Variants in MBD5 observed in about 807,000 individuals in gnomAD.
MBD5 encodes the protein methyl-CpG-binding domain protein 5.
In MBD5, 13 loss-of-function variants were observed where a neutral mutation model predicts 117.3. The ratio of observed to expected loss-of-function variants is 0.11; its 90% CI spans 0.07 to 0.18. The LOEUF (loss-of-function observed/expected upper bound fraction) is 0.18, where lower values mean the gene tolerates loss of function less well. MBD5 is among the 10% of genes least tolerant of loss of function. The pLI is 1.00. For synonymous variants in MBD5, 727 were observed against 766.4 expected, an observed-to-expected ratio of 0.95 and a Z score of 0.85; for missense variants, 1,879 against 2,093.8, an observed-to-expected ratio of 0.90 and a Z score of 2.00.
intron 3 of MBD5, among the ~76,000 whole-genome samples, chr2:148,234,457 G>A (rs1700051090): frequency 1.3e-5 from 2 of 152,238 alleles, no homozygotes; most frequent in South Asian, 4.1e-4. Context: ...TTGCTTTTCT[G>A]TTGGGGAAAA....
intron 1 of MBD5, among the ~76,000 whole-genome samples, chr2:148,084,977 C>T (rs933989303): frequency 1.5e-4 from 23 of 152,162 alleles, no homozygotes; most frequent in Admixed American, 5.9e-4. Context: ...ACTCCAACTA[C>T]TGAGATAGAA....
chr2:148,435,840 A>G (rs1048755746), intron 4 of MBD5, among the ~76,000 whole-genome samples: 4 of 152,222 alleles, frequency 2.6e-5, no homozygotes, highest in Non-Finnish European at 4.4e-5. Flanking sequence ...TATGTTTTCA[A>G]GGTTGCTTGC....
intron 3 of MBD5, among the ~76,000 whole-genome samples, chr2:148,281,435 A>G (rs1221578066): frequency 6.6e-6 from 1 of 151,572 alleles, no homozygotes; most frequent in African/African-American, 2.4e-5. Context: ...GCATACACCA[A>G]TTCTTATATT....
chr2:148,232,113 G>C (rs1700002014), intron 2 of MBD5, among the ~76,000 whole-genome samples: 1 of 152,152 alleles, frequency 6.6e-6, no homozygotes, highest in Non-Finnish European at 1.5e-5. Flanking sequence ...AGAAGACAAA[G>C]GTCAAAGACT....
In MBD5 at chr2:148,513,034, T is replaced by C; in HGVS notation, c.*93T>C. ...ATTGATATAGCCACAGTTATATCAA[T>C]ATTTAGACTATGGCAGATAGCTACC... is the stretch of plus-strand genomic sequence containing the variant. On this transcript the variant is annotated 3_prime_UTR_variant, in exon 14 of 14. Coordinates refer to ENST00000642680, the MANE Select transcript of MBD5 (RefSeq NM_001378120.1). The C allele has an allele frequency of 3.3e-6, 4 of 1,225,802 alleles. No homozygotes were observed. Among genetic ancestry groups the C allele is most frequent in the Non-Finnish European group, 4.8e-6 (4 of 834,698 alleles). The allele number at this position is 1,225,802 out of a possible 1,614,324, so 75.9% of individuals were successfully genotyped here.
At chr2:148,397,775 T>C (rs1039400497) in intron 4 of MBD5, among the ~76,000 whole-genome samples, 1 of 152,098 alleles carries the variant, frequency 6.6e-6, no homozygotes, top group African/African-American at 2.4e-5. Flanking sequence ...TAGCATTAGG[T>C]ATATCTCCTA....
At chr2:148,386,447 G>A (rs1380611128) in intron 4 of MBD5, among the ~76,000 whole-genome samples, 3 of 152,130 alleles carry the variant, frequency 2.0e-5, no homozygotes, top group Non-Finnish European at 2.9e-5. Flanking sequence ...GGCCGGGCGC[G>A]GTGGCTCACG....
At chr2:148,349,709 AGAATATTTTT>A (rs2105221741) in intron 4 of MBD5, among the ~76,000 whole-genome samples, 1 of 152,120 alleles carries the variant, frequency 6.6e-6, no homozygotes, top group South Asian at 2.1e-4. Flanking sequence ...TCTGGCTAAA[AGAATATTTTT>A]GGCAATATAC....
chr2:148,272,360 T>C (rs1333600601), intron 3 of MBD5, among the ~76,000 whole-genome samples: 1 of 152,222 alleles, frequency 6.6e-6, no homozygotes, highest in African/African-American at 2.4e-5. Flanking sequence ...ACTTCCATAC[T>C]GTTTTCCATA....
chr2:148,349,419 T>C (rs1574320673), intron 4 of MBD5, among the ~76,000 whole-genome samples: 1 of 152,028 alleles, frequency 6.6e-6, no homozygotes, highest in South Asian at 2.1e-4. Flanking sequence ...TTTTTATTAT[T>C]ATCATCATCA....
At chr2:148,057,343 A>G (rs1315513292) in intron 1 of MBD5, among the ~76,000 whole-genome samples, 1 of 151,834 alleles carries the variant, frequency 6.6e-6, no homozygotes, top group African/African-American at 2.4e-5. Context: ...AACTTTAAGT[A>G]CTTACGGCCA....
intron 1 of MBD5, among the ~76,000 whole-genome samples, chr2:148,070,595 T>A: frequency 6.6e-6 from 1 of 152,156 alleles, no homozygotes; most frequent in East Asian, 1.9e-4. Flanking sequence ...TATATTTCAC[T>A]GTTTTGTCCA....
intron 3 of MBD5, among the ~76,000 whole-genome samples, chr2:148,259,872 T>G (rs1349055693): frequency 6.6e-6 from 1 of 152,146 alleles, no homozygotes; most frequent in Non-Finnish European, 1.5e-5. Flanking sequence ...AGCGCAGCCA[T>G]TTCCCTCACA....
At chr2:148,143,656 A>G (rs975012783) in intron 1 of MBD5, among the ~76,000 whole-genome samples, 7 of 152,122 alleles carry the variant, frequency 4.6e-5, no homozygotes, top group Non-Finnish European at 7.4e-5. Context: ...CCTGTGTCCA[A>G]GTGTTCTCAT....
intron 2 of MBD5, among the ~76,000 whole-genome samples, chr2:148,189,501 C>T (rs1214426483): frequency 1.1e-5 from 1 of 87,128 alleles, no homozygotes; most frequent in Non-Finnish European, 2.4e-5. Flanking sequence ...GGCACACTGA[C>T]ACCTCACACA....
chr2:148,357,410 T>G (rs1703411735), intron 4 of MBD5, among the ~76,000 whole-genome samples: 1 of 152,172 alleles, frequency 6.6e-6, no homozygotes, highest in Non-Finnish European at 1.5e-5. Flanking sequence ...GACATTCATT[T>G]TTGTCCTTTG....
chr2:148,295,506 T>A (rs1021129724), intron 3 of MBD5: 1 of 152,208 alleles, frequency 6.6e-6, no homozygotes, highest in Non-Finnish European at 1.5e-5. Context: ...CTCTCCAAAA[T>A]AACCAGAGAA....
intron 1 of MBD5, chr2:148,025,797 A>G (rs1421252628): frequency 6.6e-6 from 1 of 152,154 alleles, no homozygotes; most frequent in Admixed American, 6.5e-5. Flanking sequence ...TAGAAATATC[A>G]TTGCAAAATC....
intron 4 of MBD5, among the ~76,000 whole-genome samples, chr2:148,398,735 T>C (rs1704819261): frequency 6.6e-6 from 1 of 152,246 alleles, no homozygotes; most frequent in African/African-American, 2.4e-5. Flanking sequence ...CCCATGTCTA[T>C]GTCCTGAATG....
Sources: gnomAD v4.1 joint callset for allele counts (sites outside exome capture counted in the v4.1 genomes callset) on GRCh38, gnomAD v4.1.1 for gene constraint, MANE v1.5 for transcripts, NCBI Gene and HGNC (gene_info 2026-07-23, HGNC 2026-07-21) for gene names.